The following DNAAF9 variants were observed in gnomAD, a reference collection of about 807,000 sequenced individuals.
The protein encoded by DNAAF9 is shulin.
Under a neutral mutation model 167.0 loss-of-function variants are expected in DNAAF9, and 90 were observed. The ratio of observed to expected loss-of-function variants is 0.54; its 90% CI spans 0.45 to 0.64. The LOEUF (loss-of-function observed/expected upper bound fraction) is 0.64, where lower values mean the gene tolerates loss of function less well. Among genes scored for constraint, DNAAF9 ranks in the 30% least tolerant of loss-of-function variants. The pLI is 0.00. For missense variants in DNAAF9, 1,315 were observed against 1,442.2 expected (o/e 0.91, Z 1.43); for synonymous variants, 491 against 508.8 (o/e 0.96, Z 0.47).
intron 1 of DNAAF9, among the ~76,000 whole-genome samples, chr20:3,391,064 GAA>G (rs1197015283): frequency 1.3e-5 from 2 of 152,166 alleles, no homozygotes; most frequent in Non-Finnish European, 1.5e-5. Context: ...AGACAATACT[GAA>G]AAGTTTCCTT....
At chr20:3,340,747 G>T in intron 9 of DNAAF9, 108 bp from the exon 10 acceptor site, 2 of 991,268 alleles carry the variant, frequency 2.0e-6, no homozygotes, top group Non-Finnish European at 1.6e-6. Context: ...CTTGCGGCCT[G>T]AGCAAAGTGG....
At chr20:3,339,400 C>T (rs1324186741) in intron 10 of DNAAF9, among the ~76,000 whole-genome samples, 1 of 152,146 alleles carries the variant, frequency 6.6e-6, no homozygotes, top group Non-Finnish European at 1.5e-5. Context: ...ACTGAAGAAA[C>T]AGACTTTTAA....
At chr20:3,384,234 T>A (rs2083702277) in intron 1 of DNAAF9, 1 of 152,238 alleles carries the variant, frequency 6.6e-6, no homozygotes, top group South Asian at 2.1e-4. Context: ...TACCAAAGAC[T>A]ATACTTTCAG....
intron 10 of DNAAF9, among the ~76,000 whole-genome samples, chr20:3,337,447 T>TTTG (rs1277002636): frequency 2.8e-4 from 42 of 150,610 alleles, no homozygotes; most frequent in Admixed American, 1.7e-3. Context: ...TTTGTTTTTT[T>TTTG]TTTTTTTGGT....
In DNAAF9 at chr20:3,298,195, G is replaced by C; in HGVS notation, c.1783-20C>G. ...GGAATCCTAAAGCGAAAAGGAGGGA[G>C]CATCAGCAAGAAGAGCATCTGCACA... On this transcript the variant is annotated intron_variant, in intron 21 of 36. Transcript: ENST00000252032. The C allele has an allele frequency of 6.2e-7, 1 of 1,605,110 alleles. No individual in the cohort carries two copies. Among genetic ancestry groups the C allele is most frequent in the Non-Finnish European group, 8.5e-7 (1 of 1,174,854 alleles).
rs1039841348 is a variant in DNAAF9 at position 3,287,639 on chromosome 20, A to C, written c.2479T>G (p.Leu827Val). The C allele has an allele frequency of 5.0e-6, 8 of 1,614,176 alleles. No individual in the cohort carries two copies. The highest frequency in any genetic ancestry group is 1.7e-5 in the Admixed American group (1 of 60,026). The change falls in exon 27 of 37, where the codon TTA becomes GTA. Residue 827 changes from leucine to valine, a missense_variant. This residue lies in a region of DNAAF9 where 981 missense variants were observed against 1,012.5 expected (regional missense o/e 0.97). Coordinates refer to ENST00000252032, the MANE Select transcript of DNAAF9 (RefSeq NM_001009984.3). ...IRKKTRLLVV[L>V]QGYTDVIDVV... ...GAGACTTCCAATGCTCACCCTTGTA[A>C]CACCACCAGCAGTCTGGTCTTCTTG...
intron 25 of DNAAF9, among the ~76,000 whole-genome samples, chr20:3,293,292 C>CAAAAA (rs1172725572): frequency 0.036 from 815 of 22,868 alleles, 228 homozygotes; most frequent in East Asian, 0.074. Context: ...GACTCCGTCT[C>CAAAAA]AAAAAAAAAA....
At chr20:3,381,340 T>C (rs376481345) in intron 3 of DNAAF9, 39 bp downstream of exon 3, 7 of 1,513,400 alleles carry the variant, frequency 4.6e-6, no homozygotes, top group Non-Finnish European at 6.3e-6. Context: ...ATAAACCTCT[T>C]ACTCTTCTAT....
intron 21 of DNAAF9, among the ~76,000 whole-genome samples, chr20:3,302,069 AG>A (rs1278385571): frequency 6.6e-6 from 1 of 151,950 alleles, no homozygotes; most frequent in Non-Finnish European, 1.5e-5. Flanking sequence ...CAGTCTCCCA[AG>A]TAGCTGGGAT....
In DNAAF9 at chr20:3,259,913, A is replaced by G. The variant is rs2068350330; in HGVS notation, c.2980+9T>C. The G allele has an allele frequency of 6.5e-7, 1 of 1,539,700 alleles. No homozygotes were observed. Among genetic ancestry groups the G allele is most frequent in the South Asian group, 1.1e-5 (1 of 89,482 alleles). ...TTCCAGTGTCTAGGACATCTCAGTC[A>G]AGGCTTACCTTTACATTTGGCCACA... On this transcript the variant is annotated intron_variant, in intron 32 of 36. Coordinates refer to ENST00000252032, the MANE Select transcript of DNAAF9 (RefSeq NM_001009984.3).
At position 3,315,672 on chromosome 20, in the gene DNAAF9, T is replaced by C. The variant is rs1321218249; in HGVS notation, c.1590+63A>G. The C allele has an allele frequency of 7.8e-7, 1 of 1,281,994 alleles. No individual in the cohort carries two copies. Among genetic ancestry groups the C allele is most frequent in the Non-Finnish European group, 1.1e-6 (1 of 877,066 alleles). 79.4% of individuals were successfully genotyped at this position (1,281,994 alleles called of 1,614,324 possible). The stretch of plus-strand genomic sequence containing the variant: ...AGTGAGATGAAGCATTTTAATACCT[T>C]TATGAATTGCTTACATTATTTTTTG... On this transcript the variant is annotated intron_variant, in intron 19 of 36. Coordinates refer to ENST00000252032, the MANE Select transcript of DNAAF9 (RefSeq NM_001009984.3). This position sits in a 1 kb window ranked among gnomAD's most constrained non-coding sequence, Gnocchi z 4.1.
intron 20 of DNAAF9, among the ~76,000 whole-genome samples, chr20:3,314,311 T>G (rs2069464548): frequency 6.6e-6 from 1 of 151,800 alleles, no homozygotes; most frequent in Admixed American, 6.6e-5. Context: ...GGGCAGAGGG[T>G]GGGCTGGGAT....
At chr20:3,404,020 G>T (rs994834173) in intron 1 of DNAAF9, among the ~76,000 whole-genome samples, 4 of 152,054 alleles carry the variant, frequency 2.6e-5, no homozygotes, top group South Asian at 2.1e-4. Context: ...GAATCTAATT[G>T]TCTATTATTA....
At chr20:3,379,476 C>A (rs1328585260) in intron 3 of DNAAF9, among the ~76,000 whole-genome samples, 1 of 151,916 alleles carries the variant, frequency 6.6e-6, no homozygotes, top group Non-Finnish European at 1.5e-5. Flanking sequence ...TGCCTGTAAT[C>A]CCAGCTGCTC....
chr20:3,297,973 A>AT, intron 22 of DNAAF9, 56 bp downstream of exon 22: 1 of 1,410,748 alleles, frequency 7.1e-7, no homozygotes, highest in Non-Finnish European at 1.0e-6. Flanking sequence ...TACCATTTAA[A>AT]TTGCTAGGGG....
At chr20:3,295,610 G>C (rs2069058972) in intron 23 of DNAAF9, 1 of 417,188 alleles carries the variant, frequency 2.4e-6, no homozygotes, top group Non-Finnish European at 4.8e-6. Flanking sequence ...GGCAATCCAG[G>C]GGACTGAGAG....
chr20:3,337,968 TATAATATATAAAATATATAATAC>T (rs1031596696), intron 10 of DNAAF9, among the ~76,000 whole-genome samples: 7 of 125,348 alleles, frequency 5.6e-5, no homozygotes, highest in South Asian at 2.7e-4. Context: ...GATATATATA[TATAATATATAAAATATATAATAC>T]ATAACATATA....
At chr20:3,360,701 G>A (rs977811779) in intron 6 of DNAAF9, among the ~76,000 whole-genome samples, 67 of 152,254 alleles carry the variant, frequency 4.4e-4, no homozygotes, top group African/African-American at 1.6e-3. Flanking sequence ...GCATGCACCG[G>A]ATTCAAGGTT....
intron 20 of DNAAF9, among the ~76,000 whole-genome samples, chr20:3,309,378 A>ATTT (rs2069362239): frequency 6.6e-6 from 1 of 152,172 alleles, no homozygotes; most frequent in African/African-American, 2.4e-5. Context: ...ATAAATTCCT[A>ATTT]CTGTTAATCC....
Sources: gnomAD v4.1 joint callset for allele counts (sites outside exome capture counted in the v4.1 genomes callset) on GRCh38, gnomAD v4.1.1 for gene constraint, gnomAD v4.1.1 regional missense constraint, Gnocchi (gnomAD v3.1) non-coding constraint, MANE v1.5 for transcripts, NCBI Gene and HGNC (gene_info 2026-07-23, HGNC 2026-07-21) for gene names.